BEST4: variants seen among roughly 807,000 people sequenced by gnomAD.
BEST4 encodes the protein bestrophin 4.
BEST4 carries 36 observed loss-of-function variants against 47.1 expected under a neutral mutation model. The ratio of observed to expected loss-of-function variants is 0.76; its 90% CI spans 0.59 to 1.01. The LOEUF (loss-of-function observed/expected upper bound fraction) is 1.01, where lower values mean the gene tolerates loss of function less well. Among genes scored for constraint, BEST4 ranks in the 50% least tolerant of loss-of-function variants. The pLI is 0.00. For synonymous variants in BEST4, 250 were observed against 277.8 expected, an observed-to-expected ratio of 0.90 and a Z score of 1.00; for missense variants, 550 against 648.6, an observed-to-expected ratio of 0.85 and a Z score of 1.65.
upstream of BEST4, among the ~76,000 whole-genome samples, chr1:44,792,132 C>T (rs1651426914): frequency 6.6e-6 from 1 of 152,132 alleles, no homozygotes; most frequent in South Asian, 2.1e-4. Context: ...ATCCCAGCTA[C>T]TCCGGAGGCT....
At position 44,786,441 on chromosome 1, in the gene BEST4, A is replaced by G. The variant is rs1208333669; in HGVS notation, c.481+22T>C. ...ATCCGGCTGTGGGCCGGACCCCCAG[A>G]GGCTCCCGGCGGGCGGCGCACCTGC... On this transcript the variant is annotated intron_variant, in intron 3 of 8. Transcript: ENST00000372207. The surrounding 1 kb of genome is among the most constrained non-coding windows in gnomAD (Gnocchi z 4.9). 2 of 1,494,800 alleles carry G rather than the reference A, an allele frequency of 1.3e-6. No individual in the cohort carries two copies. The highest frequency in any genetic ancestry group is 2.6e-5 in the South Asian group (2 of 77,950). The allele number at this position is 1,494,800 out of a possible 1,614,324, so 92.6% of individuals were successfully genotyped here. A position where few individuals can be genotyped will look rare whatever the true frequency, so the allele number is the denominator to read the frequency against.
upstream of BEST4, among the ~76,000 whole-genome samples, chr1:44,789,191 C>T (rs180832982): frequency 4.7e-3 from 669 of 140,960 alleles, 4 homozygotes; most frequent in African/African-American, 0.017. Context: ...CCTGGGGAGG[C>T]GCAGGTTGCA....
Position 44,784,947 on chromosome 1 carries a change from A to G in BEST4, c.951T>C (p.Asp317=), listed in dbSNP as rs2148847004. The change falls in exon 7 of 9, where the codon GAT becomes GAC. Residue 317 remains aspartate (D), a synonymous_variant. Transcript: ENST00000372207. This position sits in a 1 kb window ranked among gnomAD's most constrained non-coding sequence, Gnocchi z 6.2. ...EQIINPFGED[D]DDFETNQLID... ...TGAGCTGATTTGTCTCAAAGTCGTC[A>G]TCATCCTCACCAAATGGGTTGATGA... 21 of 1,614,166 alleles carry G rather than the reference A, an allele frequency of 1.3e-5. No individual in the cohort carries two copies. Among genetic ancestry groups the G allele is most frequent in the Non-Finnish European group, 1.8e-5 (21 of 1,180,032 alleles).
chr1:44,791,583 C>T (rs559263677), upstream of BEST4, among the ~76,000 whole-genome samples: 2 of 152,126 alleles, frequency 1.3e-5, no homozygotes, highest in Non-Finnish European at 1.5e-5. Context: ...GATAAAAGTA[C>T]GTGACCTGAA....
Position 44,787,620 on chromosome 1 carries a change from TA to T in BEST4, c.85del (p.Tyr29ThrfsTer26). 6.2e-7 allele frequency: 1 copy of T among 1,614,190 alleles called. No homozygotes were observed. The highest frequency in any genetic ancestry group is 8.5e-7 in the Non-Finnish European group (1 of 1,180,028). ...GAGGAATTCCTTGTAGAGGAGCTTG[TA>T]GATGCTTCCCCTCCAGCGGAGAAGC... ...GLLLRWRGSIYKLLYKEFLLF... is the reference protein window; with the variant it reads ...GLLLRWRGSIXKLLYKEFLLF... On this transcript the variant is annotated frameshift_variant, in exon 1 of 9. Coordinates refer to ENST00000372207, the MANE Select transcript of BEST4 (RefSeq NM_153274.3). LOFTEE classifies it high-confidence loss of function.
At position 44,784,237 on chromosome 1, in the gene BEST4, C is replaced by G. The variant is rs931801372; in HGVS notation, c.1395G>C (p.Glu465Asp). The change falls in exon 9 of 9, where the codon GAG becomes GAC. Residue 465 changes from glutamate to aspartate, a missense_variant. Physicochemically the swap from Glu to Asp is conservative, Grantham distance 45. Around this residue, in one of 3 missense-constraint regions of BEST4, gnomAD observed 255 missense variants for 286.6 expected, o/e 0.89. Transcript: ENST00000372207. The surrounding 1 kb of genome is among the most constrained non-coding windows in gnomAD (Gnocchi z 6.2). ...AAARIEEESA[E>D]SGDEALEP Reference sequence around the variant, plus strand: ...AGGGCTCCAGGGCCTCGTCCCCGGACTCCGCCGATTCCTCCTCGATGCGGG... The same window carrying G: ...AGGGCTCCAGGGCCTCGTCCCCGGAGTCCGCCGATTCCTCCTCGATGCGGG... 1 of 1,453,358 alleles carries G rather than the reference C, an allele frequency of 6.9e-7. No homozygotes were observed. Among genetic ancestry groups the G allele is most frequent in the Non-Finnish European group, 9.0e-7 (1 of 1,112,070 alleles). 90.0% of individuals were successfully genotyped at this position (1,453,358 alleles called of 1,614,324 possible). A position where few individuals can be genotyped will look rare whatever the true frequency, so the allele number is the denominator to read the frequency against.
In BEST4 at chr1:44,784,363, C is replaced by T; in HGVS notation, c.1269G>A (p.Pro423=). 1 of 1,389,890 alleles carries T rather than the reference C, an allele frequency of 7.2e-7. No homozygotes were observed. The highest frequency in any genetic ancestry group is 9.2e-7 in the Non-Finnish European group (1 of 1,081,578). 86.1% of individuals were successfully genotyped at this position (1,389,890 alleles called of 1,614,324 possible). ...GRFLGVGAPS[P]AISLRNFGRV... is the part of the protein sequence containing the mutation. Reference sequence around the variant, plus strand: ...GGCCGAAGTTCCGGAGGCTGATGGCCGGGGAGGGCGCCCCTACGCCCAGGA... The same window carrying T: ...GGCCGAAGTTCCGGAGGCTGATGGCTGGGGAGGGCGCCCCTACGCCCAGGA... The change falls in exon 9 of 9, where the codon CCG becomes CCA. Residue 423 remains proline (P), a synonymous_variant. Coordinates refer to ENST00000372207, the MANE Select transcript of BEST4 (RefSeq NM_153274.3). This position sits in a 1 kb window ranked among gnomAD's most constrained non-coding sequence, Gnocchi z 6.2.
In BEST4 at chr1:44,784,673, G is replaced by T. The variant is rs756572035; in HGVS notation, c.1104C>A (p.Ala368=). Residue 368 remains alanine (A), a synonymous_variant, in exon 8 of 9, where the codon GCC becomes GCA. Coordinates refer to ENST00000372207, the MANE Select transcript of BEST4 (RefSeq NM_153274.3). This position sits in a 1 kb window ranked among gnomAD's most constrained non-coding sequence, Gnocchi z 6.2. Reference sequence around the variant, plus strand: ...CCAGGAATGAGGGCCGCAGAGACTCGGCCGCCGTGGCCACAGTGTAGGGTG... The same window carrying T: ...CCAGGAATGAGGGCCGCAGAGACTCTGCCGCCGTGGCCACAGTGTAGGGTG... ...PQPPYTVATA[A]ESLRPSFLGS... is the part of the protein sequence containing the mutation. 1.2e-6 allele frequency: 2 copies of T among 1,613,046 alleles called. No homozygotes were observed. Among genetic ancestry groups the T allele is most frequent in the Admixed American group, 3.3e-5 (2 of 59,936 alleles).
In BEST4 at chr1:44,784,502, G is replaced by GGCGCC; in HGVS notation, c.1149-20_1149-19insGGCGC. 2.5e-6 allele frequency: 1 copy of GGCGCC among 399,806 alleles called. No individual in the cohort carries two copies. Among genetic ancestry groups the GGCGCC allele is most frequent in the Non-Finnish European group, 4.8e-6 (1 of 210,208 alleles). The allele number at this position is 399,806 out of a possible 1,614,324, so 24.8% of individuals were successfully genotyped here. Reference sequence around the variant, plus strand: ...GCTCATGCTGCGGGCGGGAGGGCGGGCTGAGCCGGGGCACAGGGCGGGAGC... The same window carrying GGCGCC: ...GCTCATGCTGCGGGCGGGAGGGCGGGGCGCCCTGAGCCGGGGCACAGGGCGGGAGC... On this transcript the variant is annotated intron_variant, in intron 8 of 8. Coordinates refer to ENST00000372207, the MANE Select transcript of BEST4 (RefSeq NM_153274.3). This position sits in a 1 kb window ranked among gnomAD's most constrained non-coding sequence, Gnocchi z 6.2.
At position 44,784,834 on chromosome 1, in the gene BEST4, C is replaced by T; in HGVS notation, c.994-51G>A. On this transcript the variant is annotated intron_variant, in intron 7 of 8. Transcript: ENST00000372207. The surrounding 1 kb of genome is among the most constrained non-coding windows in gnomAD (Gnocchi z 6.2). ...TCCTCCTCTCCTCTCCTTCCCACGG[C>T]CGGGCTGAGAGCTGACCGGGAGAGG... The T allele has an allele frequency of 1.2e-6, 2 of 1,605,720 alleles. No individual in the cohort carries two copies. Among genetic ancestry groups the T allele is most frequent in the East Asian group, 2.2e-5 (1 of 44,812 alleles).
Position 44,784,812 on chromosome 1 carries a change from T to A in BEST4, c.994-29A>T, listed in dbSNP as rs1002510939. On this transcript the variant is annotated intron_variant, in intron 7 of 8. Transcript: ENST00000372207. This position sits in a 1 kb window ranked among gnomAD's most constrained non-coding sequence, Gnocchi z 6.2. ...GGCCACCAGCAAGTTACAAGGATCC[T>A]CCTCTCCTCTCCTTCCCACGGCCGG... The A allele has an allele frequency of 2.5e-6, 4 of 1,596,622 alleles. No homozygotes were observed. The highest frequency in any genetic ancestry group is 3.4e-6 in the Non-Finnish European group (4 of 1,170,838).
chr1:44,786,500 A>G lies in BEST4; in HGVS notation c.444T>C (p.Leu148=). The change falls in exon 3 of 9, where the codon CTT becomes CTC. Residue 148 remains leucine (L), a synonymous_variant. Transcript: ENST00000372207. This position sits in a 1 kb window ranked among gnomAD's most constrained non-coding sequence, Gnocchi z 4.9. ...CGTGCTCCATGGTGGGGAAGCGCTTAAGCACGCGGGTGCTGACCGAGCGCA... is the reference window on the plus strand; with the variant it reads ...CGTGCTCCATGGTGGGGAAGCGCTTGAGCACGCGGGTGCTGACCGAGCGCA... ...LVLRSVSTRV[L]KRFPTMEHVV... is the part of the protein sequence containing the mutation. 6.5e-7 allele frequency: 1 copy of G among 1,542,760 alleles called. No individual in the cohort carries two copies. Among genetic ancestry groups the G allele is most frequent in the Non-Finnish European group, 8.7e-7 (1 of 1,143,846 alleles).
In BEST4 at chr1:44,784,925, G is replaced by A; in HGVS notation, c.973C>T (p.Leu325Phe). 6.2e-7 allele frequency: 1 copy of A among 1,614,198 alleles called. No individual in the cohort carries two copies. The highest frequency in any genetic ancestry group is 8.5e-7 in the Non-Finnish European group (1 of 1,180,042). Reference sequence around the variant, plus strand: ...CTCACCTGCAAGTTGCGGTCTATGAGCTGATTTGTCTCAAAGTCGTCATCA... The same window carrying A: ...CTCACCTGCAAGTTGCGGTCTATGAACTGATTTGTCTCAAAGTCGTCATCA... ...EDDDDFETNQ[L>F]IDRNLQVSLL... The change falls in exon 7 of 9, where the codon CTC (leucine) becomes TTC (phenylalanine). Residue 325 changes from leucine to phenylalanine, a missense_variant. Leu to Phe is a conservative substitution (Grantham distance 22). This residue lies in a region of BEST4 where 255 missense variants were observed against 286.6 expected (regional missense o/e 0.89). Coordinates refer to ENST00000372207, the MANE Select transcript of BEST4 (RefSeq NM_153274.3). The surrounding 1 kb of genome is among the most constrained non-coding windows in gnomAD (Gnocchi z 6.2).
Position 44,786,456 on chromosome 1 carries a change from G to T in BEST4, c.481+7C>A. On this transcript the variant is annotated splice_region_variant and intron_variant, in intron 3 of 8. Transcript: ENST00000372207. The surrounding 1 kb of genome is among the most constrained non-coding windows in gnomAD (Gnocchi z 4.9). The stretch of plus-strand genomic sequence containing the variant: ...GGACCCCCAGAGGCTCCCGGCGGGC[G>T]GCGCACCTGCGTCCACCACGTGCTC... The T allele has an allele frequency of 6.6e-7, 1 of 1,504,378 alleles. No homozygotes were observed. Among genetic ancestry groups the T allele is most frequent in the South Asian group, 1.2e-5 (1 of 80,040 alleles). 93.2% of individuals were successfully genotyped at this position (1,504,378 alleles called of 1,614,324 possible). A position where few individuals can be genotyped will look rare whatever the true frequency, so the allele number is the denominator to read the frequency against.
upstream of BEST4, among the ~76,000 whole-genome samples, chr1:44,791,755 G>C (rs1270639043): frequency 6.6e-6 from 1 of 151,858 alleles, no homozygotes; most frequent in Non-Finnish European, 1.5e-5. Flanking sequence ...TTATCCTCCA[G>C]CTCTCCTCTC....
chr1:44,783,704 AC>A lies in BEST4; in HGVS notation c.*505del, dbSNP rs1200532417. On this transcript the variant is annotated 3_prime_UTR_variant, in exon 9 of 9. Transcript: ENST00000372207. ...GAGTAAGGTTACCAGGGTAAGGTAT[AC>A]CCCTTCAAGCACGTTTCACATGACT... 1.3e-5 allele frequency: 2 copies of A among 152,900 alleles called. No individual in the cohort carries two copies. The highest frequency in any genetic ancestry group is 2.9e-5 in the Non-Finnish European group (2 of 68,604). 9.5% of individuals were successfully genotyped at this position (152,900 alleles called of 1,614,324 possible). A position where few individuals can be genotyped will look rare whatever the true frequency, so the allele number is the denominator to read the frequency against.
upstream of BEST4, among the ~76,000 whole-genome samples, chr1:44,788,244 T>G (rs1163143847): frequency 1.3e-5 from 2 of 152,278 alleles, no homozygotes; most frequent in Admixed American, 1.3e-4. Flanking sequence ...AGGCCTATCA[T>G]TGATGGATTG....
At chr1:44,789,242 CAA>C (rs778437528), upstream of BEST4, among the ~76,000 whole-genome samples, 16 of 61,472 alleles carry the variant, frequency 2.6e-4, no homozygotes, top group Non-Finnish European at 2.0e-4. Context: ...CCTGGGTAAT[CAA>C]AAAAAAAAAA....
chr1:44,789,788 T>C (rs56128950), upstream of BEST4, among the ~76,000 whole-genome samples: 1 of 152,218 alleles, frequency 6.6e-6, no homozygotes, highest in Admixed American at 6.5e-5. Context: ...CTCCCAGTGC[T>C]GAGGTAAGTG....
Sources: allele counts gnomAD v4.1 joint callset (sites outside exome capture counted in the v4.1 genomes callset), GRCh38; gene constraint gnomAD v4.1.1; regional missense constraint gnomAD v4.1.1; non-coding constraint Gnocchi (gnomAD v3.1); transcripts MANE v1.5; gene names NCBI Gene and HGNC (gene_info 2026-07-23, HGNC 2026-07-21).